FAM149A: variants seen among roughly 807,000 people sequenced by gnomAD.
FAM149A encodes family with sequence similarity 149 member A.
Under a neutral mutation model 78.2 loss-of-function variants are expected in FAM149A, and 71 were observed. The ratio of observed to expected loss-of-function variants is 0.91; its 90% CI spans 0.75 to 1.11. The LOEUF (loss-of-function observed/expected upper bound fraction) is 1.11, where lower values mean the gene tolerates loss of function less well. Among genes scored for constraint, FAM149A ranks in the 50% least tolerant of loss-of-function variants. The pLI, the probability that FAM149A is intolerant of heterozygous loss-of-function variation, is 0.00. For missense variants in FAM149A, 1,036 were observed against 971.0 expected, an observed-to-expected ratio of 1.07 and a Z score of -0.89; for synonymous variants, 446 against 410.5, an observed-to-expected ratio of 1.09 and a Z score of -1.04.
intron 3 of FAM149A, chr4:186,151,665 C>G (rs920216433): frequency 1.1e-6 from 1 of 934,382 alleles, no homozygotes; most frequent in Non-Finnish European, 1.3e-6. Context: ...TCATAACTTC[C>G]GTGGCAGAAG....
At chr4:186,109,661 G>A (rs1489083120) in intron 1 of FAM149A, 1 of 984,208 alleles carries the variant, frequency 1.0e-6, no homozygotes, top group Admixed American at 6.2e-5. Context: ...ATGGAGAAAT[G>A]CTAAAAAAGT....
chr4:186,154,294 G>T (rs1262494773), intron 5 of FAM149A, among the ~76,000 whole-genome samples, 174 bp from the exon 6 acceptor site: 1 of 152,182 alleles, frequency 6.6e-6, no homozygotes, highest in East Asian at 1.9e-4. Flanking sequence ...GTTTAATGAT[G>T]CCTGTATTAA....
intron 1 of FAM149A, chr4:186,110,355 G>A (rs2099310682): frequency 2.0e-6 from 2 of 980,026 alleles, no homozygotes; most frequent in African/African-American, 1.8e-5. Context: ...AGGGATGAAC[G>A]GTGGCTCAGT....
intron 1 of FAM149A, among the ~76,000 whole-genome samples, chr4:186,130,365 T>C (rs949524498): frequency 6.9e-6 from 1 of 145,718 alleles, no homozygotes; most frequent in Non-Finnish European, 1.5e-5. Context: ...TAGTGGAAGA[T>C]TGTAACAGTA....
intron 1 of FAM149A, chr4:186,116,578 TTTG>T (rs2099313807): frequency 2.1e-6 from 2 of 969,164 alleles, no homozygotes; most frequent in East Asian, 1.2e-4. Flanking sequence ...ATCCTCTTTC[TTTG>T]TTGTTATATT....
In FAM149A at chr4:186,135,864, C is replaced by T. The variant is rs1040437221; in HGVS notation, c.567-13309C>T. Among the ~76,000 whole-genome samples, 14 of 152,178 alleles carry T rather than the reference C, an allele frequency of 9.2e-5. No homozygotes were observed. The East Asian group carries it at 1.2e-3, about 13-fold the overall frequency. Reference sequence around the variant, plus strand: ...CGTGAGAGCTGAAACAAGGCAGGGTCGCCTTGTGTGACCGCAGCGGGGAGC... The same window carrying T: ...CGTGAGAGCTGAAACAAGGCAGGGTTGCCTTGTGTGACCGCAGCGGGGAGC... On this transcript the variant is annotated intron_variant, in intron 1 of 13. Coordinates refer to ENST00000389354, the MANE Select transcript of FAM149A (RefSeq NM_001367768.3).
intron 1 of FAM149A, chr4:186,123,857 A>G (rs2099317078): frequency 1.0e-6 from 1 of 983,224 alleles, no homozygotes; most frequent in Non-Finnish European, 1.2e-6. Context: ...TAAGCAGCAA[A>G]TATTTATGTG....
chr4:186,154,738 A>G, intron 6 of FAM149A, 100 bp downstream of exon 6: 1 of 1,444,020 alleles, frequency 6.9e-7, no homozygotes, highest in Non-Finnish European at 9.1e-7. Flanking sequence ...TGTATTTTTT[A>G]CTCACCCAAA....
intron 1 of FAM149A, among the ~76,000 whole-genome samples, chr4:186,106,866 CGTGA>C (rs1299593218): frequency 6.6e-6 from 1 of 152,056 alleles, no homozygotes; most frequent in East Asian, 1.9e-4. Context: ...AGGATGATGG[CGTGA>C]ACCCGGGAGG....
At chr4:186,139,312 T>C (rs534637286) in intron 1 of FAM149A, among the ~76,000 whole-genome samples, 138 of 152,288 alleles carry the variant, frequency 9.1e-4, no homozygotes, top group Admixed American at 2.8e-3. Flanking sequence ...TATTGGAGAA[T>C]AGTATTTGGT....
rs1734860730 is a variant in FAM149A, at chr4:186,164,472, T to A, written c.1889+839T>A. ...GAGCGGGCGGCTGCCAACGCTTACC[T>A]GGCACCCAGACTTTTTCCAGATGCA... On this transcript the variant is annotated intron_variant, in intron 10 of 13. Transcript: ENST00000389354. This position sits in a 1 kb window ranked among gnomAD's most constrained non-coding sequence, Gnocchi z 4.0. 4.1e-6 allele frequency: 4 copies of A among 985,312 alleles called. No homozygotes were observed. Among genetic ancestry groups the A allele is most frequent in the Admixed American group, 6.1e-5 (1 of 16,268 alleles). 61.0% of individuals were successfully genotyped at this position (985,312 alleles called of 1,614,324 possible). A position where few individuals can be genotyped will look rare whatever the true frequency, so the allele number is the denominator to read the frequency against.
At chr4:186,131,975 G>T in intron 1 of FAM149A, 1 of 985,240 alleles carries the variant, frequency 1.0e-6, no homozygotes, top group Non-Finnish European at 1.2e-6. Context: ...AAATTCTTTT[G>T]TATTTCTTTT....
chr4:186,147,603 C>G (rs993815705), intron 1 of FAM149A, among the ~76,000 whole-genome samples: 3 of 152,210 alleles, frequency 2.0e-5, no homozygotes, highest in Non-Finnish European at 4.4e-5. Context: ...TTAGCTAATT[C>G]ATCATGCTGA....
intron 1 of FAM149A, among the ~76,000 whole-genome samples, chr4:186,119,834 C>T (rs2099315212): frequency 6.6e-6 from 1 of 152,140 alleles, no homozygotes; most frequent in African/African-American, 2.4e-5. Context: ...ACTTGGAAAC[C>T]ATCCCTGTAG....
Position 186,163,501 on chromosome 4 carries a change from C to G in FAM149A, c.1757C>G (p.Ser586Ter). 6.2e-7 allele frequency: 1 copy of G among 1,614,180 alleles called. No homozygotes were observed. Among genetic ancestry groups the G allele is most frequent in the Non-Finnish European group, 8.5e-7 (1 of 1,180,020 alleles). Residue 586 changes from serine (S) to a stop codon, truncating the protein, a stop_gained, in exon 10 of 14, where the codon TCA (serine) becomes TGA (stop). Transcript: ENST00000389354. LOFTEE classifies it high-confidence loss of function. ...GCACCGCACAGACTGGGACGGGCCT[C>G]AGACACTCATGGATTATCACCTTCT... is the stretch of plus-strand genomic sequence containing the variant.
At chr4:186,150,952 C>A in intron 3 of FAM149A, 1 of 764,168 alleles carries the variant, frequency 1.3e-6, no homozygotes, top group Non-Finnish European at 1.6e-6. Context: ...GAACTCCTGA[C>A]GTTGTGATCC....
intron 3 of FAM149A, 52 bp downstream of exon 3, chr4:186,149,756 A>G: frequency 8.5e-7 from 1 of 1,178,168 alleles, no homozygotes. Context: ...TATAGTGAAG[A>G]GTTGCTTCCT....
chr4:186,172,175 C>A lies in FAM149A; in HGVS notation c.*188C>A. On this transcript the variant is annotated 3_prime_UTR_variant, in exon 14 of 14. Transcript: ENST00000389354. The stretch of plus-strand genomic sequence containing the variant: ...CACTGTAAAGAGAGTGAAAGTCAAA[C>A]CCACCAAGCTGCCTTGCTGAAAGCA... 1.2e-6 allele frequency: 1 copy of A among 858,902 alleles called. No individual in the cohort carries two copies. The highest frequency in any genetic ancestry group is 3.2e-5 in the East Asian group (1 of 31,322). 53.2% of individuals were successfully genotyped at this position (858,902 alleles called of 1,614,324 possible).
intron 1 of FAM149A, chr4:186,117,566 G>A (rs1032191500): frequency 2.2e-5 from 22 of 985,306 alleles, no homozygotes; most frequent in South Asian, 9.4e-5. Context: ...GGGCACTGTC[G>A]GAGACCAAAG....
Sources: allele counts gnomAD v4.1 joint callset (sites outside exome capture counted in the v4.1 genomes callset), GRCh38; gene constraint gnomAD v4.1.1; non-coding constraint Gnocchi (gnomAD v3.1); transcripts MANE v1.5; gene names NCBI Gene and HGNC (gene_info 2026-07-23, HGNC 2026-07-21).